Variants in CSNK1A1 observed in about 807,000 individuals in gnomAD.
CSNK1A1 encodes the protein casein kinase I isoform alpha.
In CSNK1A1, 7 loss-of-function variants were observed where a neutral mutation model predicts 46.1. The observed-to-expected ratio is 0.15, with a 90% confidence interval of 0.09 to 0.29. The LOEUF is 0.29. CSNK1A1 is among the 10% of genes least tolerant of loss of function. CSNK1A1 has a pLI of 1.00. For synonymous variants in CSNK1A1, 137 were observed against 141.5 expected, an observed-to-expected ratio of 0.97 and a Z score of 0.23; for missense variants, 96 against 417.1, an observed-to-expected ratio of 0.23 and a Z score of 6.71.
chr5:149,549,347 T>A, intron 2 of CSNK1A1: 1 of 633,168 alleles, frequency 1.6e-6, no homozygotes, highest in Non-Finnish European at 2.9e-6. Context: ...ATTAACACTT[T>A]TAAAAGAACT....
intron 6 of CSNK1A1, 50 bp from the exon 7 acceptor site, chr5:149,510,003 A>G (rs1431720346): frequency 2.3e-6 from 3 of 1,319,562 alleles, no homozygotes; most frequent in Non-Finnish European, 3.2e-6. Flanking sequence ...TACTGAGAAG[A>G]ACCATGGTAG....
intron 3 of CSNK1A1, among the ~76,000 whole-genome samples, chr5:149,523,928 T>C (rs1412155806): frequency 3.3e-5 from 5 of 152,206 alleles, no homozygotes; most frequent in Non-Finnish European, 7.3e-5. Flanking sequence ...TAACTGTATT[T>C]TTGTGCCCAT....
intron 7 of CSNK1A1, among the ~76,000 whole-genome samples, 176 bp from the exon 8 acceptor site, chr5:149,507,309 G>A (rs1184443751): frequency 2.0e-5 from 3 of 152,032 alleles, no homozygotes; most frequent in Non-Finnish European, 4.4e-5. Flanking sequence ...AAAATTTCAT[G>A]ACCCTACCTA....
chr5:149,518,011 C>G (rs1464045556), intron 4 of CSNK1A1: 2 of 559,972 alleles, frequency 3.6e-6, no homozygotes, highest in Non-Finnish European at 6.4e-6. Flanking sequence ...TTCCACCAAG[C>G]ACTGTAGCTT....
intron 2 of CSNK1A1, among the ~76,000 whole-genome samples, chr5:149,534,827 G>A: frequency 6.6e-6 from 1 of 151,198 alleles, no homozygotes; most frequent in Non-Finnish European, 1.5e-5. Context: ...AGGAAGCTGA[G>A]GCAGGAGGAT....
chr5:149,525,117 A>G lies in CSNK1A1; in HGVS notation c.285T>C (p.Pro95=). The part of the protein sequence containing the change: ...YNVLVMDLLG[P]SLEDLFNFCS... ...AGAAATTGAAGAGGTCTTCGAGGCT[A>G]GGTCCCAGAAGATCCATGACTAGTA... Residue 95 remains proline, a synonymous_variant, in exon 3 of 10, where the codon CCT becomes CCC. Transcript: ENST00000377843. This position sits in a 1 kb window ranked among gnomAD's most constrained non-coding sequence, Gnocchi z 4.2. 3.1e-6 allele frequency: 5 copies of G among 1,613,336 alleles called. No homozygotes were observed. The highest frequency in any genetic ancestry group is 3.4e-6 in the Non-Finnish European group (4 of 1,179,500).
intron 9 of CSNK1A1, chr5:149,502,750 T>TA: frequency 2.0e-6 from 2 of 981,042 alleles, no homozygotes; most frequent in Non-Finnish European, 1.2e-6. Context: ...GATCAATGAA[T>TA]CATTGAGCTG....
Position 149,515,500 on chromosome 5 carries a change from C to T in CSNK1A1, c.457-2291G>A, listed in dbSNP as rs60556414. 0.016 allele frequency among the ~76,000 whole-genome samples: 2,414 copies of T among 152,054 alleles called. 262 individuals carry two copies. In the East Asian group the frequency reaches 0.31, roughly 20 times the overall value. ...CTTCTTAAACATCTCAATCTAAAAA[C>T]AAAAATCTAAAGAGCAAATAATTTG... is the stretch of plus-strand genomic sequence containing the variant. On this transcript the variant is annotated intron_variant, in intron 4 of 9. Transcript: ENST00000377843.
At chr5:149,544,528 G>A (rs968102519) in intron 2 of CSNK1A1, among the ~76,000 whole-genome samples, 1 of 151,128 alleles carries the variant, frequency 6.6e-6, no homozygotes, top group Non-Finnish European at 1.5e-5. Context: ...TTTTTAAATT[G>A]TTCCTTTGGA....
chr5:149,546,556 C>T (rs994585268), intron 2 of CSNK1A1, among the ~76,000 whole-genome samples: 1 of 151,752 alleles, frequency 6.6e-6, no homozygotes, highest in Non-Finnish European at 1.5e-5. Context: ...TTGCTTGAAC[C>T]CAGGAGGTGG....
intron 3 of CSNK1A1, among the ~76,000 whole-genome samples, chr5:149,521,847 A>G (rs1476701077): frequency 2.6e-5 from 4 of 151,972 alleles, no homozygotes; most frequent in Admixed American, 2.6e-4. Flanking sequence ...GCCTAAAATG[A>G]TCCACCTGCC....
chr5:149,525,268 A>G lies in CSNK1A1; in HGVS notation c.231-97T>C. On this transcript the variant is annotated intron_variant, in intron 2 of 9. Transcript: ENST00000377843. The surrounding 1 kb of genome is among the most constrained non-coding windows in gnomAD (Gnocchi z 4.2). ...TATAGTTTTCTTTCACTGACTAGGT[A>G]TTATATAAGGCGAATGTTCCCCTAC... is the stretch of plus-strand genomic sequence containing the variant. 3.3e-6 allele frequency: 4 copies of G among 1,221,692 alleles called. No homozygotes were observed. Among genetic ancestry groups the G allele is most frequent in the Non-Finnish European group, 4.4e-6 (4 of 910,142 alleles). 75.7% of individuals were successfully genotyped at this position (1,221,692 alleles called of 1,614,324 possible).
At chr5:149,534,800 AT>A (rs1000475868) in intron 2 of CSNK1A1, among the ~76,000 whole-genome samples, 5 of 150,516 alleles carry the variant, frequency 3.3e-5, no homozygotes, top group Non-Finnish European at 7.4e-5. Flanking sequence ...GCGTGGTGGC[AT>A]GCGCCTGTAC....
chr5:149,545,768 TTG>T, intron 2 of CSNK1A1: 2 of 623,362 alleles, frequency 3.2e-6, no homozygotes, highest in South Asian at 1.6e-5. Context: ...TCAGGACTGG[TTG>T]TGTGTGGTGT....
At chr5:149,518,740 A>T (rs1378168253) in intron 4 of CSNK1A1, among the ~76,000 whole-genome samples, 1 of 151,934 alleles carries the variant, frequency 6.6e-6, no homozygotes, top group African/African-American at 2.4e-5. Context: ...TCACCACTAG[A>T]TAACTTACAC....
chr5:149,502,133 T>G, intron 9 of CSNK1A1: 1 of 973,484 alleles, frequency 1.0e-6, no homozygotes, highest in East Asian at 1.1e-4. Flanking sequence ...ACATTCTTAT[T>G]AAGTTATTAA....
chr5:149,495,705 T>C lies in CSNK1A1; in HGVS notation c.*1148A>G, dbSNP rs943110795. 1.1e-4 allele frequency: 16 copies of C among 148,604 alleles called. No individual in the cohort carries two copies. Among genetic ancestry groups the C allele is most frequent in the African/African-American group, 4.0e-4 (16 of 39,894 alleles). The allele number at this position is 148,604 out of a possible 1,614,324, so 9.2% of individuals were successfully genotyped here. ...GCGGGCAGCAGCTACAATACCAAGT[T>C]CTGGCAGTTGCAGTACTAGATATTG... is the stretch of plus-strand genomic sequence containing the variant. On this transcript the variant is annotated 3_prime_UTR_variant, in exon 10 of 10. Transcript: ENST00000377843.
intron 2 of CSNK1A1, among the ~76,000 whole-genome samples, chr5:149,538,396 T>C (rs1022497329): frequency 4.6e-5 from 7 of 152,176 alleles, no homozygotes; most frequent in African/African-American, 1.4e-4. Flanking sequence ...AAGAAATGGT[T>C]GTTCTCTTCA....
At chr5:149,499,975 T>G (rs1305630202) in intron 9 of CSNK1A1, among the ~76,000 whole-genome samples, 1 of 125,036 alleles carries the variant, frequency 8.0e-6, no homozygotes, top group Non-Finnish European at 1.7e-5. Context: ...TTCTTTTTTT[T>G]TTTTTTTTTT....
Sources: allele counts gnomAD v4.1 joint callset (sites outside exome capture counted in the v4.1 genomes callset), GRCh38; gene constraint gnomAD v4.1.1; non-coding constraint Gnocchi (gnomAD v3.1); transcripts MANE v1.5; gene names NCBI Gene and HGNC (gene_info 2026-07-23, HGNC 2026-07-21).